CASD1: variants seen among roughly 807,000 people sequenced by gnomAD.
CASD1 encodes N-acetylneuraminate (7)9-O-acetyltransferase.
In CASD1, 41 loss-of-function variants were observed where a neutral mutation model predicts 100.0. That is an observed-to-expected ratio of 0.41 (90% CI 0.32 to 0.53). The LOEUF (loss-of-function observed/expected upper bound fraction) is 0.53. Among genes scored for constraint, CASD1 ranks in the 20% least tolerant of loss-of-function variants. The pLI is 0.25. For missense variants in CASD1, 774 were observed against 948.7 expected (o/e 0.82, Z 2.42); for synonymous variants, 321 against 315.6 (o/e 1.02, Z -0.18).
At chr7:94,565,019 A>G in the CASD1 span, among the ~76,000 whole-genome samples, 2 of 151,922 alleles carry the variant, frequency 1.3e-5, no homozygotes, top group Non-Finnish European at 2.9e-5. Flanking sequence ...CTGCTCCTCT[A>G]TTCTTGCCTT....
intron 13 of CASD1, among the ~76,000 whole-genome samples, chr7:94,548,601 G>A (rs1425314154): frequency 2.6e-5 from 4 of 151,458 alleles, no homozygotes; most frequent in East Asian, 1.9e-4. Context: ...AAATGGAGAC[G>A]GTTGCGTTTT....
At chr7:94,532,172 A>T (rs1201821193) in intron 5 of CASD1, among the ~76,000 whole-genome samples, 1 of 152,188 alleles carries the variant, frequency 6.6e-6, no homozygotes, top group Admixed American at 6.5e-5. Context: ...CATGTGCCTG[A>T]AACCATAGAT....
the CASD1 span, chr7:94,625,122 T>C: frequency 1.3e-5 from 2 of 152,136 alleles, no homozygotes; most frequent in East Asian, 3.9e-4. Flanking sequence ...TTATTTTTGA[T>C]TCCCCAATTT....
At chr7:94,526,131 C>A (rs573845780) in intron 3 of CASD1, among the ~76,000 whole-genome samples, 2 of 152,316 alleles carry the variant, frequency 1.3e-5, no homozygotes, top group Non-Finnish European at 2.9e-5. Flanking sequence ...TATACTAGTA[C>A]ACTGGTGAGA....
the CASD1 span, among the ~76,000 whole-genome samples, chr7:94,563,971 C>T: frequency 2.0e-5 from 3 of 152,108 alleles, no homozygotes; most frequent in Non-Finnish European, 4.4e-5. Flanking sequence ...CTCACCAAGA[C>T]CTCCAGTGTG....
Position 94,534,184 on chromosome 7 carries a change from T to G in CASD1, c.628+382T>G, listed in dbSNP as rs988232803. ...ATTTTTTTTTTTTTTTTTTTTTTTTTGAGACAGGGTCTTGCTCTCTTTCCC... is the reference window on the plus strand; with the variant it reads ...ATTTTTTTTTTTTTTTTTTTTTTTTGGAGACAGGGTCTTGCTCTCTTTCCC... On this transcript the variant is annotated intron_variant, in intron 7 of 17. Transcript: ENST00000297273. 1.2e-3 allele frequency among the ~76,000 whole-genome samples: 100 copies of G among 83,096 alleles called. 1 individual carries two copies. The East Asian group carries it at 0.034, about 28-fold the overall frequency. The allele number at this position is 83,096 out of a possible 152,430, so 54.5% of individuals were successfully genotyped here.
the CASD1 span, among the ~76,000 whole-genome samples, chr7:94,573,945 T>G: frequency 6.6e-6 from 1 of 152,214 alleles, no homozygotes; most frequent in South Asian, 2.1e-4. Context: ...TGAAGTGGTG[T>G]TGAATTTTAT....
At chr7:94,529,827 T>G (rs1166256509) in intron 5 of CASD1, among the ~76,000 whole-genome samples, 2 of 152,122 alleles carry the variant, frequency 1.3e-5, no homozygotes, top group Non-Finnish European at 2.9e-5. Context: ...GGTGAGAGTG[T>G]TGGTAGTTAT....
At chr7:94,517,517 T>G in intron 1 of CASD1, 43 bp from the exon 2 acceptor site, 2 of 1,282,160 alleles carry the variant, frequency 1.6e-6, no homozygotes, top group Non-Finnish European at 2.2e-6. Context: ...ATGTGTAAAA[T>G]TTTAACTATT....
At position 94,555,521 on chromosome 7, in the gene CASD1, G is replaced by A; in HGVS notation, c.2157G>A (p.Leu719=). 6.2e-7 allele frequency: 1 copy of A among 1,612,974 alleles called. No individual in the cohort carries two copies. The change falls in exon 18 of 18, where the codon CTG becomes CTA. Residue 719 remains leucine (L), a synonymous_variant. Transcript: ENST00000297273. ...TTATTTGCCAGTATCACATATGGCT[G>A]GCAGCGGACACAAGGGGTATCTTGG... The part of the protein sequence containing the change: ...ELFICQYHIW[L]AADTRGILVL...
chr7:94,552,283 AC>A, intron 15 of CASD1, 66 bp from the exon 16 acceptor site: 2 of 1,046,366 alleles, frequency 1.9e-6, no homozygotes, highest in Non-Finnish European at 2.9e-6. Context: ...TAAAAAAAAA[AC>A]ACTGTGAGGC....
At chr7:94,551,287 G>T in intron 14 of CASD1, 51 bp from the exon 15 acceptor site, 1 of 1,434,708 alleles carries the variant, frequency 7.0e-7, no homozygotes, top group Non-Finnish European at 9.3e-7. Flanking sequence ...TATTTTTCCT[G>T]TTTTTTGAAA....
the CASD1 span, among the ~76,000 whole-genome samples, chr7:94,563,268 G>A: frequency 1.3e-5 from 2 of 152,106 alleles, no homozygotes; most frequent in African/African-American, 2.4e-5. Context: ...TATCCTAAAC[G>A]GAGGCAACAT....
At chr7:94,548,607 G>A (rs55933518) in intron 13 of CASD1, among the ~76,000 whole-genome samples, 7,380 of 151,688 alleles carry the variant, frequency 0.049, 588 homozygotes, top group African/African-American at 0.17. Context: ...AGACGGTTGC[G>A]TTTTATTAAA....
At position 94,555,611 on chromosome 7, in the gene CASD1, A is replaced by G. The variant is rs1796162994; in HGVS notation, c.2247A>G (p.Ala749=). ...IVSTFIFVCV[A]HEISQITNDL... is the part of the protein sequence containing the mutation. ...GCACTTTCATATTTGTTTGTGTGGC[A>G]CATGAAATTTCTCAGATCACTAATG... Residue 749 remains alanine, a synonymous_variant, in exon 18 of 18, where the codon GCA becomes GCG. Coordinates refer to ENST00000297273, the MANE Select transcript of CASD1 (RefSeq NM_022900.5). 1 of 1,613,606 alleles carries G rather than the reference A, an allele frequency of 6.2e-7. No homozygotes were observed. The highest frequency in any genetic ancestry group is 1.7e-5 in the Admixed American group (1 of 59,962).
rs1478037746 is a variant in CASD1, at chr7:94,517,621, A to G, written c.195A>G (p.Gln65=). 2 of 1,611,660 alleles carry G rather than the reference A, an allele frequency of 1.2e-6. No homozygotes were observed. The highest frequency in any genetic ancestry group is 1.7e-5 in the Admixed American group (1 of 59,614). Residue 65 remains glutamine, a synonymous_variant, in exon 2 of 18, where the codon CAA becomes CAG. Coordinates refer to ENST00000297273, the MANE Select transcript of CASD1 (RefSeq NM_022900.5). ...GATTTCTTGGAGAGAAAGTTTGGCA[A>G]CCTCACAGTTGTATGATGCATAAAT... ...SGRFLGEKVW[Q]PHSCMMHKYK... is the part of the protein sequence containing the mutation.
the CASD1 span, among the ~76,000 whole-genome samples, chr7:94,570,642 G>A: frequency 6.6e-6 from 1 of 151,886 alleles, no homozygotes; most frequent in Non-Finnish European, 1.5e-5. Flanking sequence ...CTACAGACGT[G>A]CACCACCATG....
intron 10 of CASD1, among the ~76,000 whole-genome samples, chr7:94,540,261 C>T (rs1795332004): frequency 6.6e-6 from 1 of 152,122 alleles, no homozygotes; most frequent in Admixed American, 6.6e-5. Flanking sequence ...AACTACTGAA[C>T]TGTTTTTTAT....
intron 14 of CASD1, among the ~76,000 whole-genome samples, chr7:94,550,313 A>G (rs1014908348): frequency 1.3e-5 from 2 of 151,840 alleles, no homozygotes; most frequent in African/African-American, 4.8e-5. Context: ...CTTAGTGCCT[A>G]TTCTTTGCCT....
Sources: gnomAD v4.1 joint callset for allele counts (sites outside exome capture counted in the v4.1 genomes callset) on GRCh38, gnomAD v4.1.1 for gene constraint, MANE v1.5 for transcripts, NCBI Gene and HGNC (gene_info 2026-07-23, HGNC 2026-07-21) for gene names.